Variants in DOK6 observed in about 807,000 individuals in gnomAD.
DOK6 encodes docking protein 6.
Under a neutral mutation model 44.0 loss-of-function variants are expected in DOK6, and 22 were observed. That is an observed-to-expected ratio of 0.50 (90% confidence interval 0.36 to 0.71). DOK6 has a LOEUF of 0.71. Ranked by LOEUF, DOK6 falls within the 30% of genes least tolerant of loss-of-function variation. The pLI, the probability that DOK6 is intolerant of heterozygous loss-of-function variation, is 0.00. For synonymous variants in DOK6, 166 were observed against 145.5 expected, an observed-to-expected ratio of 1.14 and a Z score of -1.01; for missense variants, 340 against 416.4, an observed-to-expected ratio of 0.82 and a Z score of 1.60.
chr18:69,761,872 G>A (rs182778650), intron 7 of DOK6, among the ~76,000 whole-genome samples: 10 of 152,198 alleles, frequency 6.6e-5, no homozygotes, highest in South Asian at 2.1e-4. Context: ...GCAAGTTACC[G>A]GCAGCGAATC....
At chr18:69,548,371 T>A (rs1185058905) in intron 1 of DOK6, among the ~76,000 whole-genome samples, 2 of 151,648 alleles carry the variant, frequency 1.3e-5, no homozygotes, top group Non-Finnish European at 2.9e-5. Context: ...TCAGTTGCTC[T>A]TATATTTTTA....
chr18:69,506,389 A>T (rs1981186618), intron 1 of DOK6, among the ~76,000 whole-genome samples: 2 of 152,114 alleles, frequency 1.3e-5, no homozygotes, highest in African/African-American at 4.8e-5. Flanking sequence ...AAATTTCCTT[A>T]TGTCTTTTTG....
At chr18:69,644,495 C>T (rs1196581084) in intron 3 of DOK6, among the ~76,000 whole-genome samples, 1 of 152,092 alleles carries the variant, frequency 6.6e-6, no homozygotes, top group African/African-American at 2.4e-5. Flanking sequence ...TGCACCAGTG[C>T]CATTTAATGA....
chr18:69,477,934 G>A (rs960394827), intron 1 of DOK6, among the ~76,000 whole-genome samples: 10 of 152,036 alleles, frequency 6.6e-5, no homozygotes, highest in African/African-American at 1.7e-4. Context: ...CATTTAGGCC[G>A]AATCTGTCAC....
chr18:69,839,404 A>C (rs1982148637), intron 7 of DOK6, among the ~76,000 whole-genome samples: 1 of 134,486 alleles, frequency 7.4e-6, no homozygotes, highest in African/African-American at 2.9e-5. Flanking sequence ...CCCCTCCCCT[A>C]ACTCCTTCCC....
intron 7 of DOK6, among the ~76,000 whole-genome samples, chr18:69,797,771 A>G (rs1357867038): frequency 6.6e-6 from 1 of 152,110 alleles, no homozygotes; most frequent in African/African-American, 2.4e-5. Flanking sequence ...GCTATCACTA[A>G]GCCTTATATT....
chr18:69,528,829 A>G (rs1265536908), intron 1 of DOK6, among the ~76,000 whole-genome samples: 1 of 152,160 alleles, frequency 6.6e-6, no homozygotes, highest in Non-Finnish European at 1.5e-5. Context: ...GACTGTGCTT[A>G]TGTTTTTACT....
intron 1 of DOK6, among the ~76,000 whole-genome samples, chr18:69,498,787 A>C (rs1411038230): frequency 6.6e-6 from 1 of 152,230 alleles, no homozygotes; most frequent in Admixed American, 6.6e-5. Flanking sequence ...TCTCTTGTAC[A>C]AAGATGCAAC....
chr18:69,648,576 C>T (rs1406570519), intron 3 of DOK6, among the ~76,000 whole-genome samples: 1 of 152,148 alleles, frequency 6.6e-6, no homozygotes, highest in Non-Finnish European at 1.5e-5. Context: ...ATTAGTATCT[C>T]TAGCATAAGG....
At chr18:69,679,759 C>G (rs570129799) in intron 4 of DOK6, among the ~76,000 whole-genome samples, 49 of 152,258 alleles carry the variant, frequency 3.2e-4, no homozygotes, top group African/African-American at 1.2e-3. Flanking sequence ...TATATGGTTT[C>G]CATCCAAATG....
In DOK6 at chr18:69,845,653, C is replaced by T. The variant is rs1346254014; in HGVS notation, c.*4270C>T. On this transcript the variant is annotated 3_prime_UTR_variant, in exon 8 of 8. Coordinates refer to ENST00000382713, the MANE Select transcript of DOK6 (RefSeq NM_152721.6). ...ATGATAAAGAATACAATGAAATGTC[C>T]AGAGTAACACTTGGTCTCTACCTTT... The T allele has an allele frequency of 2.6e-5, 4 of 152,134 alleles. No homozygotes were observed. The highest frequency in any genetic ancestry group is 5.9e-5 in the Non-Finnish European group (4 of 68,026). The allele number at this position is 152,134 out of a possible 1,614,324, so 9.4% of individuals were successfully genotyped here. A position where few individuals can be genotyped will look rare whatever the true frequency, so the allele number is the denominator to read the frequency against.
chr18:69,402,931 G>C (rs1916131651), intron 1 of DOK6, among the ~76,000 whole-genome samples: 1 of 152,200 alleles, frequency 6.6e-6, no homozygotes, highest in South Asian at 2.1e-4. Context: ...CTCGCAGCCG[G>C]GACGGAATGC....
At chr18:69,765,078 T>C (rs1043359297) in intron 7 of DOK6, among the ~76,000 whole-genome samples, 2 of 152,192 alleles carry the variant, frequency 1.3e-5, no homozygotes, top group Admixed American at 1.3e-4. Flanking sequence ...AGTTCTGCCA[T>C]AGATTAAGGA....
chr18:69,520,169 A>T (rs1428330508), intron 1 of DOK6, among the ~76,000 whole-genome samples: 1 of 151,850 alleles, frequency 6.6e-6, no homozygotes, highest in Non-Finnish European at 1.5e-5. Flanking sequence ...CTTAATAGTT[A>T]CTTGCAATTT....
At chr18:69,416,336 A>G (rs529413141) in intron 1 of DOK6, among the ~76,000 whole-genome samples, 7 of 152,272 alleles carry the variant, frequency 4.6e-5, no homozygotes, top group African/African-American at 1.4e-4. Flanking sequence ...TCAAGCCACC[A>G]TGGCATAGAA....
At chr18:69,735,074 G>A (rs985098559) in intron 5 of DOK6, among the ~76,000 whole-genome samples, 8 of 152,222 alleles carry the variant, frequency 5.3e-5, no homozygotes, top group South Asian at 2.1e-4. Flanking sequence ...TCTGGAGTTC[G>A]GTTTCCTTCA....
chr18:69,411,845 T>G (rs193228726), intron 1 of DOK6, among the ~76,000 whole-genome samples: 10 of 152,222 alleles, frequency 6.6e-5, no homozygotes, highest in Middle Eastern at 3.4e-3. Context: ...AAGTAATTAC[T>G]ACCTTATCTC....
intron 1 of DOK6, among the ~76,000 whole-genome samples, chr18:69,538,806 T>C (rs1982190595): frequency 6.6e-6 from 1 of 152,142 alleles, no homozygotes; most frequent in African/African-American, 2.4e-5. Context: ...TCCCTTTAAA[T>C]GTCAACCTTC....
At chr18:69,757,974 C>A in intron 7 of DOK6, 101 bp downstream of exon 7, 2 of 1,002,682 alleles carry the variant, frequency 2.0e-6, no homozygotes, top group Non-Finnish European at 3.1e-6. Flanking sequence ...GCTTTTCCTC[C>A]CATTCCCATT....
Sources: gnomAD v4.1 joint callset for allele counts (sites outside exome capture counted in the v4.1 genomes callset) on GRCh38, gnomAD v4.1.1 for gene constraint, MANE v1.5 for transcripts, NCBI Gene and HGNC (gene_info 2026-07-23, HGNC 2026-07-21) for gene names.